The following BMPR2 variants were observed in gnomAD, a reference collection of about 807,000 sequenced individuals.
The protein encoded by BMPR2 is bone morphogenetic protein receptor type-2.
In BMPR2, 29 loss-of-function variants were observed where a neutral mutation model predicts 100.8. The ratio of observed to expected loss-of-function variants is 0.29; its 90% CI spans 0.21 to 0.39. The LOEUF (loss-of-function observed/expected upper bound fraction) is 0.39, where lower values mean the gene tolerates loss of function less well. BMPR2 is among the 10% of genes least tolerant of loss of function. BMPR2 has a pLI of 1.00. For missense variants in BMPR2, 1,011 were observed against 1,274.5 expected (o/e 0.79, Z 3.15); for synonymous variants, 382 against 442.3 (o/e 0.86, Z 1.71).
At chr2:202,499,136 G>T (rs1693105346) in intron 3 of BMPR2, among the ~76,000 whole-genome samples, 1 of 152,144 alleles carries the variant, frequency 6.6e-6, no homozygotes, top group Non-Finnish European at 1.5e-5. Flanking sequence ...CTGGGTACGT[G>T]TCCCCTTCTC....
At chr2:202,457,551 TATATATATATAGAGAG>T (rs1276428073) in intron 1 of BMPR2, among the ~76,000 whole-genome samples, 13 of 90,818 alleles carry the variant, frequency 1.4e-4, no homozygotes, top group African/African-American at 5.6e-4. Flanking sequence ...TTTATATATA[TATATATATATAGAGAG>T]AGAGAGAGAG....
In BMPR2 at chr2:202,562,186, G is replaced by A. The variant is rs543556912; in HGVS notation, c.*2240G>A. The A allele has an allele frequency of 6.6e-6, 1 of 152,366 alleles. No individual in the cohort carries two copies. Among genetic ancestry groups the A allele is most frequent in the African/African-American group, 2.4e-5 (1 of 41,530 alleles). 9.4% of individuals were successfully genotyped at this position (152,366 alleles called of 1,614,324 possible). The stretch of plus-strand genomic sequence containing the variant: ...CATTGAGGATAAATGACCATTTGAG[G>A]TCTAACTGATCTTTTCCTGCCAGAA... On this transcript the variant is annotated 3_prime_UTR_variant, in exon 13 of 13. Coordinates refer to ENST00000374580, the MANE Select transcript of BMPR2 (RefSeq NM_001204.7).
intron 10 of BMPR2, among the ~76,000 whole-genome samples, chr2:202,542,725 T>C (rs1688299583): frequency 6.6e-6 from 1 of 152,142 alleles, no homozygotes. Context: ...TAAATTAACA[T>C]ATTAATATTT....
At chr2:202,451,933 T>C (rs1691995917) in intron 1 of BMPR2, among the ~76,000 whole-genome samples, 1 of 152,022 alleles carries the variant, frequency 6.6e-6, no homozygotes, top group African/African-American at 2.4e-5. Context: ...TGTGTGTTTT[T>C]AGTAGAGATG....
intron 1 of BMPR2, among the ~76,000 whole-genome samples, chr2:202,438,313 C>CAAATAAAT (rs554878848): frequency 2.0e-5 from 3 of 150,096 alleles, no homozygotes; most frequent in Non-Finnish European, 2.9e-5. Context: ...AACTCCGTCT[C>CAAATAAAT]AAATAAATAA....
intron 1 of BMPR2, among the ~76,000 whole-genome samples, chr2:202,457,721 G>A (rs1159280896): frequency 6.6e-6 from 1 of 151,842 alleles, no homozygotes. Flanking sequence ...GACATAGATT[G>A]CAAGTTTGAC....
chr2:202,460,720 A>C (rs991903496), intron 1 of BMPR2, among the ~76,000 whole-genome samples: 1 of 152,048 alleles, frequency 6.6e-6, no homozygotes, highest in African/African-American at 2.4e-5. Context: ...ATATGGATCC[A>C]TGTCATCATT....
intron 3 of BMPR2, among the ~76,000 whole-genome samples, chr2:202,510,545 A>G (rs1687600478): frequency 6.6e-6 from 1 of 152,210 alleles, no homozygotes; most frequent in Admixed American, 6.5e-5. Context: ...AACTATAGGC[A>G]CATAAAATAT....
intron 7 of BMPR2, among the ~76,000 whole-genome samples, chr2:202,524,717 T>C (rs936563043): frequency 5.3e-5 from 8 of 152,098 alleles, no homozygotes; most frequent in African/African-American, 1.9e-4. Context: ...CACTCCAGCC[T>C]GGGCAGCAGA....
At chr2:202,498,307 C>T (rs137871413) in intron 3 of BMPR2, among the ~76,000 whole-genome samples, 5,516 of 152,278 alleles carry the variant, frequency 0.036, 123 homozygotes, top group Middle Eastern at 0.075. Flanking sequence ...CCACTAAATC[C>T]GACCTTCCTC....
intron 9 of BMPR2, among the ~76,000 whole-genome samples, chr2:202,535,209 G>T (rs1030142634): frequency 6.6e-6 from 1 of 151,528 alleles, no homozygotes; most frequent in African/African-American, 2.4e-5. Flanking sequence ...CCTCCCGGAC[G>T]GGGTGGCTGC....
At chr2:202,466,706 G>A (rs1431332978) in intron 2 of BMPR2, among the ~76,000 whole-genome samples, 1 of 151,846 alleles carries the variant, frequency 6.6e-6, no homozygotes, top group Non-Finnish European at 1.5e-5. Flanking sequence ...TGACCTCCTG[G>A]GCTCAAGCAA....
chr2:202,383,672 CAAAAAAA>C (rs568495261), intron 1 of BMPR2, among the ~76,000 whole-genome samples: 1 of 105,308 alleles, frequency 9.5e-6, no homozygotes, highest in Non-Finnish European at 2.1e-5. Context: ...GAAACTCTGT[CAAAAAAA>C]AAAAAAAAAG....
intron 1 of BMPR2, among the ~76,000 whole-genome samples, chr2:202,384,558 TTC>T (rs371087481): frequency 0.11 from 743 of 6,994 alleles, 9 homozygotes; most frequent in East Asian, 0.25. Flanking sequence ...CTTTCTTTCT[TTC>T]TTTCTTTCTT....
At position 202,555,247 on chromosome 2, in the gene BMPR2, T is replaced by G. The variant is rs868065572; in HGVS notation, c.1587-5T>G. On this transcript the variant is annotated splice_region_variant and splice_polypyrimidine_tract_variant and intron_variant, in intron 11 of 12. Transcript: ENST00000374580. The stretch of plus-strand genomic sequence containing the variant: ...TCAATGTGATACTTTTTTTCTTTCT[T>G]TAAGCAACCTGTCACATAATAGGCG... The G allele has an allele frequency of 6.2e-7, 1 of 1,613,402 alleles. No homozygotes were observed. The highest frequency in any genetic ancestry group is 8.5e-7 in the Non-Finnish European group (1 of 1,179,408).
intron 1 of BMPR2, among the ~76,000 whole-genome samples, chr2:202,420,228 T>A (rs1691229579): frequency 6.6e-6 from 1 of 152,084 alleles, no homozygotes; most frequent in Non-Finnish European, 1.5e-5. Flanking sequence ...AAAAGACTCT[T>A]GACCATCAAA....
chr2:202,544,039 G>C (rs537608576), intron 10 of BMPR2, among the ~76,000 whole-genome samples: 1 of 152,160 alleles, frequency 6.6e-6, no homozygotes, highest in Non-Finnish European at 1.5e-5. Flanking sequence ...CTGCCCAGGA[G>C]GCTGAGGTAG....
At chr2:202,511,760 T>A (rs186076960) in intron 3 of BMPR2, among the ~76,000 whole-genome samples, 2 of 152,240 alleles carry the variant, frequency 1.3e-5, no homozygotes, top group Non-Finnish European at 2.9e-5. Flanking sequence ...GACTCACACC[T>A]GTAATCCCAG....
intron 10 of BMPR2, 45 bp downstream of exon 10, chr2:202,542,492 ATGTT>A: frequency 1.2e-6 from 2 of 1,602,500 alleles, no homozygotes; most frequent in Non-Finnish European, 1.7e-6. Context: ...ATGACTGAAT[ATGTT>A]TTAATGTTGT....
Sources: gnomAD v4.1 joint callset for allele counts (sites outside exome capture counted in the v4.1 genomes callset) on GRCh38, gnomAD v4.1.1 for gene constraint, MANE v1.5 for transcripts, NCBI Gene and HGNC (gene_info 2026-07-23, HGNC 2026-07-21) for gene names.